The following CNTN5 variants were observed in gnomAD, a reference collection of about 807,000 sequenced individuals.
The protein encoded by CNTN5 is contactin 5.
Under a neutral mutation model 129.1 loss-of-function variants are expected in CNTN5, and 77 were observed. The observed-to-expected ratio is 0.60, with a 90% CI of 0.50 to 0.72. The LOEUF is 0.72. Ranked by LOEUF, CNTN5 falls within the 30% of genes least tolerant of loss-of-function variation. The pLI, the probability that CNTN5 is intolerant of heterozygous loss-of-function variation, is 0.00. For synonymous variants in CNTN5, 509 were observed against 465.6 expected, an observed-to-expected ratio of 1.09 and a Z score of -1.20; for missense variants, 1,478 against 1,328.8, an observed-to-expected ratio of 1.11 and a Z score of -1.75.
intron 24 of CNTN5, 51 bp downstream of exon 24, chr11:100,350,921 A>G: frequency 2.1e-6 from 3 of 1,423,304 alleles, no homozygotes; most frequent in Non-Finnish European, 1.9e-6. Flanking sequence ...CAATTACGAG[A>G]TGGTATGAAA....
intron 9 of CNTN5, among the ~76,000 whole-genome samples, chr11:100,025,563 C>T (rs1057389335): frequency 1.3e-5 from 2 of 152,168 alleles, no homozygotes; most frequent in African/African-American, 4.8e-5. Context: ...GGAAAAGCTG[C>T]AGACACTCAA....
rs140081256 is a variant in CNTN5, at chr11:99,758,576, T to G, written c.56-60968T>G. Reference sequence around the variant, plus strand: ...TGAGAGATGAATGAAAAGATAATTTTCATAGAATGTGATAAATTTAATTAT... The same window carrying G: ...TGAGAGATGAATGAAAAGATAATTTGCATAGAATGTGATAAATTTAATTAT... On this transcript the variant is annotated intron_variant, in intron 3 of 24. Coordinates refer to ENST00000524871, the MANE Select transcript of CNTN5 (RefSeq NM_014361.4). 6.5e-3 allele frequency among the ~76,000 whole-genome samples: 983 copies of G among 152,142 alleles called. 9 individuals are homozygous for G. Among genetic ancestry groups the G allele is most frequent in the African/African-American group, 0.022 (923 of 41,550 alleles).
chr11:99,162,016 T>C (rs1369410672), intron 1 of CNTN5, among the ~76,000 whole-genome samples: 3 of 152,182 alleles, frequency 2.0e-5, no homozygotes, highest in Non-Finnish European at 4.4e-5. Flanking sequence ...AGATTACTAC[T>C]ATAATACTTA....
intron 3 of CNTN5, among the ~76,000 whole-genome samples, chr11:99,608,631 A>T (rs139172903): frequency 1.4e-3 from 220 of 152,284 alleles, no homozygotes; most frequent in Admixed American, 2.7e-3. Flanking sequence ...CTACAAGCCA[A>T]GTAGAGAGAC....
At chr11:99,193,505 C>T (rs1308640128) in intron 1 of CNTN5, among the ~76,000 whole-genome samples, 1 of 152,130 alleles carries the variant, frequency 6.6e-6, no homozygotes, top group Admixed American at 6.6e-5. Flanking sequence ...GATGACCCAT[C>T]TCCATATAGG....
intron 13 of CNTN5, among the ~76,000 whole-genome samples, chr11:100,121,941 A>G (rs1265704804): frequency 1.3e-5 from 2 of 152,080 alleles, no homozygotes; most frequent in Non-Finnish European, 2.9e-5. Flanking sequence ...GAGAGAACCA[A>G]TGGAATGGAT....
At chr11:99,991,719 G>A (rs1939110553) in intron 8 of CNTN5, among the ~76,000 whole-genome samples, 1 of 150,720 alleles carries the variant, frequency 6.6e-6, no homozygotes, top group Non-Finnish European at 1.5e-5. Context: ...TGTAGTGGAA[G>A]CTCCAGTGAC....
At chr11:99,623,474 C>G (rs1430519682) in intron 3 of CNTN5, among the ~76,000 whole-genome samples, 1 of 152,042 alleles carries the variant, frequency 6.6e-6, no homozygotes, top group Admixed American at 6.6e-5. Context: ...AGGTAGCATC[C>G]ATTTTCCCAA....
intron 8 of CNTN5, among the ~76,000 whole-genome samples, chr11:99,997,218 T>G (rs941806153): frequency 2.0e-5 from 3 of 152,306 alleles, no homozygotes; most frequent in African/African-American, 7.2e-5. Context: ...TTTGAAGGGT[T>G]TTTTTGGTCT....
chr11:99,068,480 A>G (rs1865196136), intron 1 of CNTN5, among the ~76,000 whole-genome samples: 1 of 152,196 alleles, frequency 6.6e-6, no homozygotes, highest in Admixed American at 6.5e-5. Flanking sequence ...GCTTGTTTAA[A>G]GGTATTAGAA....
intron 13 of CNTN5, among the ~76,000 whole-genome samples, chr11:100,104,869 C>T (rs1945363935): frequency 6.6e-6 from 1 of 152,114 alleles, no homozygotes; most frequent in African/African-American, 2.4e-5. Context: ...ATATGTTCCT[C>T]TCCCCTTTTT....
chr11:99,403,539 T>A (rs1311295090), intron 2 of CNTN5, among the ~76,000 whole-genome samples: 1 of 152,142 alleles, frequency 6.6e-6, no homozygotes, highest in Non-Finnish European at 1.5e-5. Flanking sequence ...TCCCATAGGT[T>A]TTGTTATGTT....
chr11:99,581,090 C>A (rs1460406158), intron 3 of CNTN5, among the ~76,000 whole-genome samples: 1 of 126,832 alleles, frequency 7.9e-6, no homozygotes, highest in South Asian at 2.7e-4. Flanking sequence ...TCATTATGTA[C>A]CCAGTAGTCA....
chr11:99,404,658 T>C (rs1178098760), intron 2 of CNTN5, among the ~76,000 whole-genome samples: 2 of 152,156 alleles, frequency 1.3e-5, no homozygotes, highest in Non-Finnish European at 2.9e-5. Flanking sequence ...ATGCCTTAAC[T>C]TCATCCTTGT....
intron 1 of CNTN5, among the ~76,000 whole-genome samples, chr11:99,160,104 G>A (rs558907579): frequency 9.2e-5 from 14 of 152,210 alleles, no homozygotes; most frequent in African/African-American, 2.9e-4. Flanking sequence ...ATATAGGAAC[G>A]TCTCTTGGTT....
intron 1 of CNTN5, among the ~76,000 whole-genome samples, chr11:99,127,506 C>T (rs1439401543): frequency 6.6e-6 from 1 of 152,142 alleles, no homozygotes; most frequent in Non-Finnish European, 1.5e-5. Context: ...CTCTTGCTCC[C>T]CACTGCCACT....
chr11:100,197,245 G>A (rs951995399), intron 15 of CNTN5, among the ~76,000 whole-genome samples: 7 of 151,948 alleles, frequency 4.6e-5, no homozygotes, highest in African/African-American at 1.7e-4. Context: ...ACTGTTTGTT[G>A]AATAAGTTTA....
chr11:99,499,388 T>C (rs934132895), intron 2 of CNTN5, among the ~76,000 whole-genome samples: 9 of 152,098 alleles, frequency 5.9e-5, no homozygotes, highest in Admixed American at 2.6e-4. Flanking sequence ...TAAGAAAGCA[T>C]TTGCATGCAG....
At chr11:99,731,906 T>G (rs1468063421) in intron 3 of CNTN5, among the ~76,000 whole-genome samples, 1 of 152,204 alleles carries the variant, frequency 6.6e-6, no homozygotes, top group Non-Finnish European at 1.5e-5. Flanking sequence ...CTCCTTCTCT[T>G]GAGGGGAAGG....
Sources: allele counts gnomAD v4.1 joint callset (sites outside exome capture counted in the v4.1 genomes callset), GRCh38; gene constraint gnomAD v4.1.1; transcripts MANE v1.5; gene names NCBI Gene and HGNC (gene_info 2026-07-23, HGNC 2026-07-21).